RASGEF1B: variants seen among roughly 807,000 people sequenced by gnomAD.
The protein encoded by RASGEF1B is ras-GEF domain-containing family member 1B.
In RASGEF1B, 30 loss-of-function variants were observed where a neutral mutation model predicts 65.7. That is an observed-to-expected ratio of 0.46 (90% CI 0.34 to 0.62). RASGEF1B has a LOEUF of 0.62. Among genes scored for constraint, RASGEF1B ranks in the 20% least tolerant of loss-of-function variants. The pLI is 0.01. For missense variants in RASGEF1B, 495 were observed against 580.1 expected (o/e 0.85, Z 1.51); for synonymous variants, 175 against 194.8 (o/e 0.90, Z 0.85).
At chr4:81,448,329 T>C (rs1404498295) in intron 4 of RASGEF1B, 45 bp from the exon 5 acceptor site, 4 of 1,531,636 alleles carry the variant, frequency 2.6e-6, no homozygotes, top group Admixed American at 3.3e-5. Flanking sequence ...GCGTGTCTGG[T>C]TTTGCCACTA....
chr4:81,466,806 G>GAA (rs1279124345), intron 1 of RASGEF1B, among the ~76,000 whole-genome samples: 1 of 144,186 alleles, frequency 6.9e-6, no homozygotes, highest in Non-Finnish European at 1.5e-5. Context: ...AAGAAAGAAA[G>GAA]AAAGAAAGAA....
chr4:81,466,789 A>AAG (rs1722840967), intron 1 of RASGEF1B, among the ~76,000 whole-genome samples: 1 of 145,364 alleles, frequency 6.9e-6, no homozygotes, highest in African/African-American at 2.7e-5. Flanking sequence ...AAAGAAAGAA[A>AAG]GAAAGAAAGA....
chr4:81,447,873 T>C (rs1017417204), intron 5 of RASGEF1B, among the ~76,000 whole-genome samples, 196 bp downstream of exon 5: 3 of 152,180 alleles, frequency 2.0e-5, no homozygotes, highest in African/African-American at 4.8e-5. Context: ...AGTATTTATT[T>C]ACAAGTGAAT....
chr4:81,441,626 C>T (rs1721841153), intron 9 of RASGEF1B, among the ~76,000 whole-genome samples: 1 of 151,466 alleles, frequency 6.6e-6, no homozygotes, highest in African/African-American at 2.4e-5. Flanking sequence ...ACTACAGCTC[C>T]CACCTTCCAG....
At chr4:81,453,890 C>T (rs1402105827) in intron 4 of RASGEF1B, 1 of 152,208 alleles carries the variant, frequency 6.6e-6, no homozygotes, top group African/African-American at 2.4e-5. Flanking sequence ...CTCAGATAAA[C>T]CAGCTGGCAA....
chr4:81,434,616 G>T (rs774446991), intron 11 of RASGEF1B, 23 bp downstream of exon 11: 54 of 1,437,528 alleles, frequency 3.8e-5, no homozygotes, highest in Non-Finnish European at 5.1e-5. Flanking sequence ...TTGGATTTTT[G>T]TATCCTACTT....
At chr4:81,457,025 T>G (rs1722469723) in intron 3 of RASGEF1B, among the ~76,000 whole-genome samples, 1 of 152,114 alleles carries the variant, frequency 6.6e-6, no homozygotes, top group African/African-American at 2.4e-5. Flanking sequence ...ATTTTTAATG[T>G]CTTTTATTTT....
At chr4:81,440,792 C>CATA in intron 10 of RASGEF1B, 42 bp downstream of exon 10, 1 of 1,329,650 alleles carries the variant, frequency 7.5e-7, no homozygotes, top group Non-Finnish European at 1.1e-6. Flanking sequence ...GCATAAAACA[C>CATA]AGCAACTCTA....
intron 1 of RASGEF1B, among the ~76,000 whole-genome samples, chr4:81,460,065 T>G (rs1338636556): frequency 6.6e-6 from 1 of 152,206 alleles, no homozygotes; most frequent in East Asian, 1.9e-4. Flanking sequence ...CACACAAGAT[T>G]TCATGTAGAC....
chr4:81,438,488 T>C (rs1459738932), intron 10 of RASGEF1B, among the ~76,000 whole-genome samples: 1 of 152,254 alleles, frequency 6.6e-6, no homozygotes, highest in Non-Finnish European at 1.5e-5. Context: ...TAGATTTAAC[T>C]AGAAATGCTT....
chr4:81,459,130 T>C (rs956355793), intron 2 of RASGEF1B: 4 of 489,236 alleles, frequency 8.2e-6, no homozygotes, highest in South Asian at 4.0e-5. Flanking sequence ...TGAAAAGAAA[T>C]TGATACACAT....
At chr4:81,434,492 G>A (rs1373468180) in intron 11 of RASGEF1B, 147 bp downstream of exon 11, 2 of 675,916 alleles carry the variant, frequency 3.0e-6, no homozygotes, top group Non-Finnish European at 5.3e-6. Context: ...ACTTGGTATT[G>A]TTAATTTCTA....
intron 9 of RASGEF1B, 72 bp from the exon 10 acceptor site, chr4:81,441,001 C>T (rs866459346): frequency 5.9e-6 from 6 of 1,017,440 alleles, no homozygotes; most frequent in Non-Finnish European, 9.0e-6. Context: ...TATAAGATCA[C>T]ATATTTAGCT....
intron 1 of RASGEF1B, 64 bp downstream of exon 1, chr4:81,471,706 G>C (rs1250223377): frequency 6.6e-6 from 1 of 152,614 alleles, no homozygotes; most frequent in Non-Finnish European, 1.5e-5. Flanking sequence ...AGTAGGGTCC[G>C]GAGTTCCCGC....
chr4:81,455,745 T>A (rs1722421175), intron 4 of RASGEF1B: 1 of 152,204 alleles, frequency 6.6e-6, no homozygotes, highest in Admixed American at 6.5e-5. Flanking sequence ...AGTTAGTGCT[T>A]ATCAAAGGCT....
intron 9 of RASGEF1B, among the ~76,000 whole-genome samples, chr4:81,441,870 A>G (rs913932540): frequency 6.6e-6 from 1 of 152,138 alleles, no homozygotes; most frequent in Non-Finnish European, 1.5e-5. Context: ...TCAGAATTGT[A>G]TGGGAAGGGC....
At chr4:81,467,618 T>G (rs916685595) in intron 1 of RASGEF1B, among the ~76,000 whole-genome samples, 1 of 152,194 alleles carries the variant, frequency 6.6e-6, no homozygotes, top group African/African-American at 2.4e-5. Flanking sequence ...GTTGGCACTT[T>G]GTAGCAGTAA....
At chr4:81,433,016 C>T (rs2109965600) in intron 12 of RASGEF1B, among the ~76,000 whole-genome samples, 1 of 146,794 alleles carries the variant, frequency 6.8e-6, no homozygotes, top group Non-Finnish European at 1.5e-5. Context: ...AGTTGGAGAC[C>T]AGCCTGGGCA....
In RASGEF1B at chr4:81,427,618, G is replaced by A. The variant is rs1721271537; in HGVS notation, c.*150C>T. The A allele has an allele frequency of 7.3e-6, 5 of 681,312 alleles. No homozygotes were observed. The East Asian group carries it at 1.4e-4, about 20-fold the overall frequency. The allele number at this position is 681,312 out of a possible 1,614,324, so 42.2% of individuals were successfully genotyped here. A position where few individuals can be genotyped will look rare whatever the true frequency, so the allele number is the denominator to read the frequency against. ...GGAAATAAGTTCTCCATCTGGTCTT[G>A]AGTGAGCTTGTGTGCTTTGCTGACC... On this transcript the variant is annotated 3_prime_UTR_variant, in exon 14 of 14. Coordinates refer to ENST00000264400, the MANE Select transcript of RASGEF1B (RefSeq NM_152545.3).
Sources: gnomAD v4.1 joint callset for allele counts (sites outside exome capture counted in the v4.1 genomes callset) on GRCh38, gnomAD v4.1.1 for gene constraint, MANE v1.5 for transcripts, NCBI Gene and HGNC (gene_info 2026-07-23, HGNC 2026-07-21) for gene names.